Variants in CTNNAL1 observed in about 807,000 individuals in gnomAD.
CTNNAL1 encodes catenin alpha like 1, also known as alpha-catulin.
A neutral mutation model predicts 93.6 loss-of-function variants in CTNNAL1; 69 were observed. The observed-to-expected ratio is 0.74, with a 90% CI of 0.61 to 0.90. CTNNAL1 has a LOEUF of 0.90. CTNNAL1 is among the 40% of genes least tolerant of loss of function. The pLI, the probability that CTNNAL1 is intolerant of heterozygous loss-of-function variation, is 0.00. For synonymous variants in CTNNAL1, 286 were observed against 305.4 expected (o/e 0.94, Z 0.66); for missense variants, 836 against 862.0 (o/e 0.97, Z 0.38).
At chr9:109,008,320 C>T (rs960621972) in intron 1 of CTNNAL1, among the ~76,000 whole-genome samples, 12 of 151,960 alleles carry the variant, frequency 7.9e-5, no homozygotes, top group African/African-American at 2.9e-4. Context: ...ACCACGCCAG[C>T]TAACTTTTGT....
chr9:108,984,472 C>A (rs951863227), intron 4 of CTNNAL1, 36 bp from the exon 5 acceptor site: 4 of 1,191,642 alleles, frequency 3.4e-6, no homozygotes, highest in Non-Finnish European at 2.5e-6. Flanking sequence ...GAGTCTAAGA[C>A]CATGTGAACA....
At chr9:108,972,863 G>GCCCCCCC in intron 8 of CTNNAL1, 30 bp from the exon 9 acceptor site, 11 of 231,678 alleles carry the variant, frequency 4.7e-5, no homozygotes, top group Non-Finnish European at 7.8e-5. Flanking sequence ...TGGGGGGGTG[G>GCCCCCCC]GAGGGTGGAG....
At chr9:108,948,499 C>A (rs996533078) in intron 14 of CTNNAL1, among the ~76,000 whole-genome samples, 9 of 152,222 alleles carry the variant, frequency 5.9e-5, no homozygotes, top group African/African-American at 2.2e-4. Context: ...AGTTCCATTT[C>A]TCTTTTTAAC....
intron 12 of CTNNAL1, among the ~76,000 whole-genome samples, chr9:108,953,397 C>T (rs1021186114): frequency 1.3e-5 from 2 of 152,144 alleles, no homozygotes; most frequent in African/African-American, 4.8e-5. Flanking sequence ...CCCAGAACAG[C>T]TAGGGTTTGT....
Position 108,955,805 on chromosome 9 carries a change from T to C in CTNNAL1, c.1614A>G (p.Ser538=), listed in dbSNP as rs138881888. Residue 538 remains serine, a synonymous_variant, in exon 12 of 19, where the codon TCA becomes TCG. Transcript: ENST00000325551. ...GRRGEKYGYL[S]LPKPMKNNAN... ...TTCTACTTACCATTGGCTTTGGAAG[T>C]GAAAGGTAGCCATACTTCTCTCCTA... 6 of 1,601,730 alleles carry C rather than the reference T, an allele frequency of 3.7e-6. No homozygotes were observed. The highest frequency in any genetic ancestry group is 5.1e-6 in the Non-Finnish European group (6 of 1,174,402).
At chr9:108,972,864 G>GGCCCCCCCCCCCC in intron 8 of CTNNAL1, 31 bp from the exon 9 acceptor site, 20 of 142,510 alleles carry the variant, frequency 1.4e-4, no homozygotes, top group East Asian at 2.2e-4. Context: ...GGGGGGGTGG[G>GGCCCCCCCCCCCC]AGGGTGGAGA....
At chr9:109,001,971 G>A (rs1826844996) in intron 1 of CTNNAL1, among the ~76,000 whole-genome samples, 1 of 152,202 alleles carries the variant, frequency 6.6e-6, no homozygotes, top group Non-Finnish European at 1.5e-5. Context: ...AACTTAAAAT[G>A]TGAGAGTGGC....
intron 5 of CTNNAL1, 134 bp from the exon 6 acceptor site, chr9:108,983,449 G>T: frequency 2.0e-6 from 2 of 1,012,918 alleles, no homozygotes; most frequent in Non-Finnish European, 1.3e-6. Flanking sequence ...TCACTCAGCT[G>T]CTTCTCCTCA....
rs866167967 is a variant in CTNNAL1 at position 108,943,807 on chromosome 9, C to A, written c.1951G>T (p.Asp651Tyr). Residue 651 changes from aspartate (D) to tyrosine (Y), a missense_variant, in exon 17 of 19, where the codon GAT (aspartate) becomes TAT (tyrosine). Coordinates refer to ENST00000325551, the MANE Select transcript of CTNNAL1 (RefSeq NM_003798.4). The part of the protein sequence containing the change: ...VQAFSKQLKD[D>Y]DKLMLLLEIN... ...TCCAGGAGAAGCATAAGCTTGTCAT[C>A]GTCTTTCAGCTGAAATGTAATTTAA... 1 of 1,613,272 alleles carries A rather than the reference C, an allele frequency of 6.2e-7. No homozygotes were observed. Among genetic ancestry groups the A allele is most frequent in the Admixed American group, 1.7e-5 (1 of 59,870 alleles).
At chr9:108,972,859 G>GCCCCCC in intron 8 of CTNNAL1, 26 bp from the exon 9 acceptor site, 1 of 371,038 alleles carries the variant, frequency 2.7e-6, no homozygotes, top group Non-Finnish European at 5.2e-6. Flanking sequence ...TGGGTGGGGG[G>GCCCCCC]GTGGGAGGGT....
chr9:108,975,945 T>G (rs1831255588), intron 8 of CTNNAL1, among the ~76,000 whole-genome samples: 1 of 152,190 alleles, frequency 6.6e-6, no homozygotes, highest in South Asian at 2.1e-4. Context: ...ATGACCAATT[T>G]TTTATTCAGG....
chr9:109,012,165 C>T (rs971576032), intron 1 of CTNNAL1, among the ~76,000 whole-genome samples: 2 of 152,206 alleles, frequency 1.3e-5, no homozygotes, highest in East Asian at 1.9e-4. Context: ...ACCAGCATAA[C>T]AGGAATCCAG....
intron 2 of CTNNAL1, 147 bp from the exon 3 acceptor site, chr9:108,992,966 T>C (rs1487624056): frequency 1.0e-5 from 9 of 869,522 alleles, no homozygotes; most frequent in Admixed American, 6.4e-5. Flanking sequence ...ACCTTGACGA[T>C]TGTAGGGATT....
rs538944932 is a variant in CTNNAL1, at chr9:108,972,507, C to T, written c.1347+168G>A. Reference sequence around the variant, plus strand: ...CATTTTTTTTGTTTTGTTTTAGAGGCCAGACTGTTGCAGGAACAGAACAGA... The same window carrying T: ...CATTTTTTTTGTTTTGTTTTAGAGGTCAGACTGTTGCAGGAACAGAACAGA... On this transcript the variant is annotated intron_variant, in intron 9 of 18. Coordinates refer to ENST00000325551, the MANE Select transcript of CTNNAL1 (RefSeq NM_003798.4). 2.6e-5 allele frequency among the ~76,000 whole-genome samples: 4 copies of T among 152,084 alleles called. No individual in the cohort carries two copies. The East Asian group carries it at 7.7e-4, about 29-fold the overall frequency.
chr9:109,002,284 T>C (rs541070869), intron 1 of CTNNAL1, among the ~76,000 whole-genome samples: 1 of 152,254 alleles, frequency 6.6e-6, no homozygotes, highest in African/African-American at 2.4e-5. Flanking sequence ...AGAACACTGA[T>C]CCCATTCATG....
chr9:109,010,919 T>C (rs953438423), intron 1 of CTNNAL1, among the ~76,000 whole-genome samples: 39 of 152,244 alleles, frequency 2.6e-4, no homozygotes, highest in Admixed American at 2.4e-3. Flanking sequence ...ATGATGTTCA[T>C]TTGACACTTT....
At chr9:108,981,560 C>A (rs1256042086) in intron 6 of CTNNAL1, among the ~76,000 whole-genome samples, 1 of 151,888 alleles carries the variant, frequency 6.6e-6, no homozygotes, top group African/African-American at 2.4e-5. Context: ...TTATTAAGAG[C>A]AAAAAGAGAT....
intron 3 of CTNNAL1, chr9:108,992,060 G>T: frequency 1.3e-6 from 1 of 767,694 alleles, no homozygotes; most frequent in Non-Finnish European, 2.4e-6. Flanking sequence ...GTTATATATT[G>T]TTAGTCTCTG....
Position 108,954,968 on chromosome 9 carries a change from A to T in CTNNAL1, c.1629+822T>A, listed in dbSNP as rs201099066. The stretch of plus-strand genomic sequence containing the variant: ...ACTATTGATAATCATCAGTAATTTT[A>T]TTTTTTTTTTTTTTGAGACAGTCTT... On this transcript the variant is annotated intron_variant, in intron 12 of 18. Coordinates refer to ENST00000325551, the MANE Select transcript of CTNNAL1 (RefSeq NM_003798.4). Among the ~76,000 whole-genome samples the T allele has an allele frequency of 9.6e-5, 14 of 145,590 alleles. 1 individual carries two copies. In the South Asian group the frequency reaches 1.3e-3, roughly 14 times the overall value.
Sources: allele counts gnomAD v4.1 joint callset (sites outside exome capture counted in the v4.1 genomes callset), GRCh38; gene constraint gnomAD v4.1.1; transcripts MANE v1.5; gene names NCBI Gene and HGNC (gene_info 2026-07-23, HGNC 2026-07-21).